Variants in FAM83G observed in about 807,000 individuals in gnomAD.
FAM83G encodes the protein scaffolding CK1 anchoring protein G.
FAM83G carries 38 observed loss-of-function variants against 61.5 expected under a neutral mutation model. That is an observed-to-expected ratio of 0.62 (90% CI 0.48 to 0.81). FAM83G has a LOEUF of 0.81. FAM83G is among the 30% of genes least tolerant of loss of function. FAM83G has a pLI of 0.00. For synonymous variants in FAM83G, 470 were observed against 476.1 expected (o/e 0.99, Z 0.17); for missense variants, 989 against 1,133.6 (o/e 0.87, Z 1.83).
chr17:18,997,434 G>A (rs946855880), intron 2 of FAM83G, among the ~76,000 whole-genome samples: 2 of 152,250 alleles, frequency 1.3e-5, no homozygotes, highest in African/African-American at 2.4e-5. Flanking sequence ...GCTTGCAGGC[G>A]CAGGATCCAG....
In FAM83G at chr17:19,000,394, G is replaced by A. The variant is rs1418138943; in HGVS notation, c.522+3126C>T. ...AGATGGGATGACCGGGGCTTGGAGA[G>A]GAGCTGGGGCTTGTTCCAGGTCCCA... is the stretch of plus-strand genomic sequence containing the variant. On this transcript the variant is annotated intron_variant, in intron 2 of 5. Coordinates refer to ENST00000388995, the MANE Select transcript of FAM83G (RefSeq NM_001039999.3). The surrounding 1 kb of genome is among the most constrained non-coding windows in gnomAD (Gnocchi z 5.2). Among the ~76,000 whole-genome samples the A allele has an allele frequency of 1.3e-5, 2 of 152,204 alleles. No homozygotes were observed. Among genetic ancestry groups the A allele is most frequent in the Non-Finnish European group, 2.9e-5 (2 of 68,034 alleles).
At position 18,988,382 on chromosome 17, in the gene FAM83G, G is replaced by A. The variant is rs766212172; in HGVS notation, c.555C>T (p.Asp185=). 3.0e-5 allele frequency: 48 copies of A among 1,614,060 alleles called. No homozygotes were observed. The highest frequency in any genetic ancestry group is 1.0e-4 in the Admixed American group (6 of 60,010). Residue 185 remains aspartate, a synonymous_variant, in exon 3 of 6, where the codon GAC becomes GAT. Transcript: ENST00000388995. Reference sequence around the variant, plus strand: ...CCAGCAGGTCCTTGAAGATGTCCACGTCGGTGAACATGTCCATGACCACAG... The same window carrying A: ...CCAGCAGGTCCTTGAAGATGTCCACATCGGTGAACATGTCCATGACCACAG... ...VIAVVMDMFT[D]VDIFKDLLDA...
At chr17:18,981,698 A>G (rs1332563305) in intron 3 of FAM83G, among the ~76,000 whole-genome samples, 1 of 152,262 alleles carries the variant, frequency 6.6e-6, no homozygotes, top group East Asian at 1.9e-4. Flanking sequence ...CCTGTGGGAT[A>G]AACCATAGCC....
At chr17:18,988,744 C>T (rs1207384759) in intron 2 of FAM83G, among the ~76,000 whole-genome samples, 1 of 152,246 alleles carries the variant, frequency 6.6e-6, no homozygotes, top group Non-Finnish European at 1.5e-5. Flanking sequence ...AGGGCAGCAG[C>T]TGGCGTGGCG....
Position 19,003,723 on chromosome 17 carries a change from C to A in FAM83G, c.319G>T (p.Val107Phe), listed in dbSNP as rs748232969. The change falls in exon 2 of 6, where the codon GTC (valine) becomes TTC (phenylalanine). Residue 107 changes from valine to phenylalanine, a missense_variant. Val to Phe is a conservative substitution (Grantham distance 50). Around this residue, in one of 3 missense-constraint regions of FAM83G, gnomAD observed 371 missense variants for 404.5 expected, o/e 0.92. Coordinates refer to ENST00000388995, the MANE Select transcript of FAM83G (RefSeq NM_001039999.3). The surrounding 1 kb of genome is among the most constrained non-coding windows in gnomAD (Gnocchi z 4.5). Reference sequence around the variant, plus strand: ...GGCAGCGGCTCGGCCTCGATGGGGACCCCATCCGCCCCGCTGGCTTCCTCG... The same window carrying A: ...GGCAGCGGCTCGGCCTCGATGGGGAACCCATCCGCCCCGCTGGCTTCCTCG... ...DGEEASGADG[V>F]PIEAEPLPSL... The A allele has an allele frequency of 6.9e-6, 11 of 1,603,580 alleles. No homozygotes were observed. Among genetic ancestry groups the A allele is most frequent in the African/African-American group, 1.3e-5 (1 of 74,518 alleles).
chr17:18,973,152 C>A (rs545733276), intron 5 of FAM83G, among the ~76,000 whole-genome samples: 1 of 152,336 alleles, frequency 6.6e-6, no homozygotes, highest in African/African-American at 2.4e-5. Flanking sequence ...GCACAGTAGG[C>A]AAGTGGTACC....
chr17:18,971,463 G>A lies in FAM83G; in HGVS notation c.2368C>T (p.Leu790=). ...PSPFGIPYSK[L]SQSKHLKART... ...GCCTTTAGGTGCTTCGACTGAGACAGTTTGGAGTATGGGATTCCGAAGGGA... is the reference window on the plus strand; with the variant it reads ...GCCTTTAGGTGCTTCGACTGAGACAATTTGGAGTATGGGATTCCGAAGGGA... The change falls in exon 6 of 6, where the codon CTG becomes TTG. Residue 790 remains leucine, a synonymous_variant. Coordinates refer to ENST00000388995, the MANE Select transcript of FAM83G (RefSeq NM_001039999.3). The surrounding 1 kb of genome is among the most constrained non-coding windows in gnomAD (Gnocchi z 5.5). 2.5e-6 allele frequency: 4 copies of A among 1,614,004 alleles called. No homozygotes were observed. The highest frequency in any genetic ancestry group is 3.4e-6 in the Non-Finnish European group (4 of 1,180,042).
rs767087906 is a variant in FAM83G at position 18,969,195 on chromosome 17, G to C, written c.*2164C>G. 4 of 1,604,402 alleles carry C rather than the reference G, an allele frequency of 2.5e-6. No homozygotes were observed. The highest frequency in any genetic ancestry group is 2.2e-5 in the South Asian group (2 of 89,880). On this transcript the variant is annotated 3_prime_UTR_variant, in exon 6 of 6. Coordinates refer to ENST00000388995, the MANE Select transcript of FAM83G (RefSeq NM_001039999.3). ...CAGCAGGGAGGTCCACCCAGGGGAC[G>C]TGTAAAGGGGTCAGAAGGCCACCTC...
chr17:18,978,210 C>T lies in FAM83G; in HGVS notation c.1456G>A (p.Gly486Ser), dbSNP rs150972768. The T allele has an allele frequency of 3.5e-4, 544 of 1,562,618 alleles. 2 individuals carry two copies. In the African/African-American group the frequency reaches 4.5e-3, roughly 13 times the overall value. ...GGGAGGCCGTTCTCAGCTGGGACAC[C>T]GTCCTGGGGGGCACTGGGCTCTGGG... is the stretch of plus-strand genomic sequence containing the variant. ...PPPEPSAPQD[G>S]VPAENGLPQG... The change falls in exon 5 of 6, where the codon GGT becomes AGT. Residue 486 changes from glycine (G) to serine (S), a missense_variant. By Grantham distance (56) the Gly-to-Ser change is moderately conservative. Transcript: ENST00000388995.
intron 2 of FAM83G, among the ~76,000 whole-genome samples, chr17:18,997,615 G>A (rs1474099570): frequency 6.6e-6 from 1 of 152,238 alleles, no homozygotes; most frequent in Non-Finnish European, 1.5e-5. Context: ...AGCCTGGCTT[G>A]GAAAGGACTT....
Position 18,977,544 on chromosome 17 carries a change from A to C in FAM83G, c.2082+40T>G, listed in dbSNP as rs201854204. 456 of 1,573,146 alleles carry C rather than the reference A, an allele frequency of 2.9e-4. 1 individual carries two copies. The African/African-American group carries it at 5.7e-3, about 20-fold the overall frequency. Reference sequence around the variant, plus strand: ...TCGAGCTCTTGGGTGGCTGGCAGGGAGGGACTCGTGACCCCTGGTGTGCAG... The same window carrying C: ...TCGAGCTCTTGGGTGGCTGGCAGGGCGGGACTCGTGACCCCTGGTGTGCAG... On this transcript the variant is annotated intron_variant, in intron 5 of 5. Transcript: ENST00000388995.
rs1211224890 is a variant in FAM83G, at chr17:19,004,081, G to A, written c.-40C>T. On this transcript the variant is annotated 5_prime_UTR_variant, in exon 2 of 6. Transcript: ENST00000388995. This position sits in a 1 kb window ranked among gnomAD's most constrained non-coding sequence, Gnocchi z 5.4. ...GGGCACTGCTGCCGGGGGTGGGTGG[G>A]CAAGGTCCAGCTCCTAGCTCCGGCC... 2 of 1,546,738 alleles carry A rather than the reference G, an allele frequency of 1.3e-6. No homozygotes were observed. The highest frequency in any genetic ancestry group is 1.7e-6 in the Non-Finnish European group (2 of 1,146,272).
At chr17:18,979,418 T>A in intron 4 of FAM83G, 131 bp downstream of exon 4, 1 of 1,119,724 alleles carries the variant, frequency 8.9e-7, no homozygotes, top group Non-Finnish European at 1.3e-6. Context: ...GCAGATGTGC[T>A]CCAGCCCTGC....
intron 5 of FAM83G, chr17:18,976,650 C>A: frequency 1.6e-6 from 1 of 619,076 alleles, no homozygotes; most frequent in Non-Finnish European, 2.8e-6. Context: ...TGTACCTCGG[C>A]TCTCGCTGCT....
At chr17:18,991,716 G>A (rs1445681363) in intron 2 of FAM83G, among the ~76,000 whole-genome samples, 1 of 152,218 alleles carries the variant, frequency 6.6e-6, no homozygotes, top group Non-Finnish European at 1.5e-5. Flanking sequence ...CGTTGTCAAA[G>A]CCGACGGGCA....
At position 18,969,224 on chromosome 17, in the gene FAM83G, C is replaced by A. The variant is rs993389260; in HGVS notation, c.*2135G>T. 58 of 1,584,434 alleles carry A rather than the reference C, an allele frequency of 3.7e-5. 1 individual carries two copies. In the Admixed American group the frequency reaches 9.8e-4, roughly 27 times the overall value. On this transcript the variant is annotated 3_prime_UTR_variant, in exon 6 of 6. Transcript: ENST00000388995. ...AAAGGGGTCAGAAGGCCACCTCCCC[C>A]TACAGGCCCGAGGGAGCAGCCCAGG...
In FAM83G at chr17:18,970,105, C is replaced by T. The variant is rs2042804145; in HGVS notation, c.*1254G>A. On this transcript the variant is annotated 3_prime_UTR_variant, in exon 6 of 6. Transcript: ENST00000388995. ...CATTTGCTCTGAGCCTCACACAAAC[C>T]CTCGGTCTGAATACAGAGCCTGACC... The T allele has an allele frequency of 6.6e-6, 1 of 152,282 alleles. No individual in the cohort carries two copies. The highest frequency in any genetic ancestry group is 1.5e-5 in the Non-Finnish European group (1 of 68,090). 9.4% of individuals were successfully genotyped at this position (152,282 alleles called of 1,614,324 possible).
At position 19,003,423 on chromosome 17, in the gene FAM83G, A is replaced by G; in HGVS notation, c.522+97T>C. 7.5e-7 allele frequency: 1 copy of G among 1,328,512 alleles called. No individual in the cohort carries two copies. Among genetic ancestry groups the G allele is most frequent in the Non-Finnish European group, 9.9e-7 (1 of 1,008,068 alleles). 82.3% of individuals were successfully genotyped at this position (1,328,512 alleles called of 1,614,324 possible). ...AAACAGCAGAGATCCCTAGAAGCCC[A>G]TGTTGGGCTCCCGTTTTGGGCTCTG... On this transcript the variant is annotated intron_variant, in intron 2 of 5. Transcript: ENST00000388995. This position sits in a 1 kb window ranked among gnomAD's most constrained non-coding sequence, Gnocchi z 4.5.
chr17:18,979,508 A>C (rs1567791998), intron 4 of FAM83G, 41 bp downstream of exon 4: 1 of 1,607,874 alleles, frequency 6.2e-7, no homozygotes. Flanking sequence ...TGGGAGCCAG[A>C]GGTACCTCTC....
Sources: gnomAD v4.1 joint callset for allele counts (sites outside exome capture counted in the v4.1 genomes callset) on GRCh38, gnomAD v4.1.1 for gene constraint, gnomAD v4.1.1 regional missense constraint, Gnocchi (gnomAD v3.1) non-coding constraint, MANE v1.5 for transcripts, NCBI Gene and HGNC (gene_info 2026-07-23, HGNC 2026-07-21) for gene names.